The following BBS7 variants were observed in gnomAD, a reference collection of about 807,000 sequenced individuals.
The protein encoded by BBS7 is BBSome complex member BBS7.
Under a neutral mutation model 90.3 loss-of-function variants are expected in BBS7, and 50 were observed. The ratio of observed to expected loss-of-function variants is 0.55; its 90% CI spans 0.44 to 0.70. The LOEUF (loss-of-function observed/expected upper bound fraction) is 0.70. BBS7 is among the 30% of genes least tolerant of loss of function. BBS7 has a pLI of 0.00. For missense variants in BBS7, 729 were observed against 838.9 expected (o/e 0.87, Z 1.62); for synonymous variants, 235 against 287.4 (o/e 0.82, Z 1.85).
rs761509035 is a variant in BBS7 at position 121,843,996 on chromosome 4, A to C, written c.1236T>G (p.Asp412Glu). 5.0e-6 allele frequency: 8 copies of C among 1,584,342 alleles called. No individual in the cohort carries two copies. Among genetic ancestry groups the C allele is most frequent in the Non-Finnish European group, 6.9e-6 (8 of 1,157,984 alleles). The change falls in exon 12 of 19, where the codon GAT becomes GAG. Residue 412 changes from aspartate to glutamate, a missense_variant. Transcript: ENST00000264499. Reference protein sequence around the residue: ...TAIDNVLIQSDVPIDLLDVDK... With the variant: ...TAIDNVLIQSEVPIDLLDVDK... ...CCACATCAAGTAAATCTATTGGAAC[A>C]TCACTCTATAGTCAATATTAAAAAA... is the stretch of plus-strand genomic sequence containing the variant.
At chr4:121,827,547 T>C (rs1251494453) in intron 18 of BBS7, among the ~76,000 whole-genome samples, 1 of 152,226 alleles carries the variant, frequency 6.6e-6, no homozygotes, top group Admixed American at 6.5e-5. Flanking sequence ...GTAAATAGTG[T>C]GCTATATACA....
intron 18 of BBS7, among the ~76,000 whole-genome samples, chr4:121,826,919 G>C (rs1724942533): frequency 6.6e-6 from 1 of 152,210 alleles, no homozygotes; most frequent in Non-Finnish European, 1.5e-5. Context: ...AGGGGGCAGA[G>C]GCTGCAGTAA....
intron 2 of BBS7, 130 bp from the exon 3 acceptor site, chr4:121,863,409 AC>A (rs1727091391): frequency 1.4e-6 from 1 of 725,940 alleles, no homozygotes; most frequent in Non-Finnish European, 2.2e-6. Flanking sequence ...TAGGAAAGAC[AC>A]CCCCACAAAA....
At chr4:121,852,861 T>C in intron 8 of BBS7, 95 bp downstream of exon 8, 1 of 1,298,894 alleles carries the variant, frequency 7.7e-7, no homozygotes, top group Non-Finnish European at 1.1e-6. Context: ...AACACAAGAT[T>C]TTAATATATT....
At chr4:121,857,558 G>A (rs1183741785) in intron 5 of BBS7, among the ~76,000 whole-genome samples, 3 of 152,134 alleles carry the variant, frequency 2.0e-5, no homozygotes, top group Admixed American at 2.0e-4. Context: ...GATAGACGGG[G>A]AGTGAGAAAA....
chr4:121,855,787 T>C (rs1043119286), intron 5 of BBS7, among the ~76,000 whole-genome samples: 1 of 151,514 alleles, frequency 6.6e-6, no homozygotes, highest in Non-Finnish European at 1.5e-5. Flanking sequence ...TGTATACATA[T>C]ATACGTATAT....
chr4:121,847,314 A>G, intron 10 of BBS7, 90 bp downstream of exon 10: 2 of 835,056 alleles, frequency 2.4e-6, no homozygotes, highest in Non-Finnish European at 4.0e-6. Flanking sequence ...ATTCCTTCCA[A>G]TAAAATATAC....
intron 13 of BBS7, among the ~76,000 whole-genome samples, chr4:121,837,945 A>G (rs1409386792): frequency 6.6e-6 from 1 of 152,126 alleles, no homozygotes; most frequent in African/African-American, 2.4e-5. Flanking sequence ...TCTCTACTAA[A>G]ATACAAAAAT....
intron 13 of BBS7, among the ~76,000 whole-genome samples, chr4:121,836,137 A>G (rs1177073106): frequency 1.3e-5 from 2 of 152,202 alleles, no homozygotes; most frequent in Non-Finnish European, 1.5e-5. Context: ...TTTGAATATG[A>G]CTGGCCGGAT....
chr4:121,842,127 G>A (rs909559436), intron 12 of BBS7, among the ~76,000 whole-genome samples: 16 of 151,112 alleles, frequency 1.1e-4, no homozygotes, highest in Non-Finnish European at 2.4e-4. Flanking sequence ...TGGCGTGTGC[G>A]TGTAGTCCCA....
Position 121,859,092 on chromosome 4 carries a change from G to T in BBS7, c.428C>A (p.Ser143Tyr), listed in dbSNP as rs754262900. 1 of 1,613,718 alleles carries T rather than the reference G, an allele frequency of 6.2e-7. No homozygotes were observed. Among genetic ancestry groups the T allele is most frequent in the Non-Finnish European group, 8.5e-7 (1 of 1,179,776 alleles). The change falls in exon 5 of 19, where the codon TCT becomes TAT. Residue 143 changes from serine (S) to tyrosine (Y), a missense_variant. Ser to Tyr is a moderately radical substitution (Grantham distance 144, BLOSUM62 -2). Transcript: ENST00000264499. ...CDCKDQHYYLSGDKINDVICL... is the reference protein window; with the variant it reads ...CDCKDQHYYLYGDKINDVICL... ...GATCACATCATTGATTTTATCCCCA[G>T]AAAGGTAATAATGTTGGTCTTTGCA... is the stretch of plus-strand genomic sequence containing the variant.
In BBS7 at chr4:121,853,103, G is replaced by A; in HGVS notation, c.719-17C>T. ...ACAAAATACCTTTAAAAAGAGATATGTGATAAGTTATTAAGAAGACTAATA... is the reference window on the plus strand; with the variant it reads ...ACAAAATACCTTTAAAAAGAGATATATGATAAGTTATTAAGAAGACTAATA... On this transcript the variant is annotated splice_polypyrimidine_tract_variant and intron_variant, in intron 7 of 18. Coordinates refer to ENST00000264499, the MANE Select transcript of BBS7 (RefSeq NM_176824.3). 2 of 1,610,304 alleles carry A rather than the reference G, an allele frequency of 1.2e-6. No homozygotes were observed. The highest frequency in any genetic ancestry group is 1.7e-6 in the Non-Finnish European group (2 of 1,176,758).
chr4:121,855,850 G>A (rs1338703758), intron 5 of BBS7, among the ~76,000 whole-genome samples: 1 of 84,308 alleles, frequency 1.2e-5, no homozygotes, highest in African/African-American at 3.3e-5. Context: ...ATACATATAT[G>A]CACATGTATG....
chr4:121,844,948 C>T (rs963509117), intron 11 of BBS7, among the ~76,000 whole-genome samples: 2 of 152,184 alleles, frequency 1.3e-5, no homozygotes, highest in African/African-American at 4.8e-5. Context: ...TCTTTTCTAA[C>T]TCTTCTTAAA....
intron 13 of BBS7, among the ~76,000 whole-genome samples, chr4:121,838,423 T>C (rs1156568632): frequency 2.7e-5 from 4 of 149,990 alleles, no homozygotes; most frequent in African/African-American, 7.3e-5. Flanking sequence ...AAAAAAGTTA[T>C]AGTGCTTAAT....
chr4:121,833,225 A>G lies in BBS7; in HGVS notation c.1676+6T>C. ...CACTTGTGAACCAGTAATAAGTTAG[A>G]TTTACCTGTAGGTACTTTCAAGTTG... On this transcript the variant is annotated splice_donor_region_variant and intron_variant, in intron 15 of 18. Coordinates refer to ENST00000264499, the MANE Select transcript of BBS7 (RefSeq NM_176824.3). 1 of 1,613,446 alleles carries G rather than the reference A, an allele frequency of 6.2e-7. No homozygotes were observed. The highest frequency in any genetic ancestry group is 8.5e-7 in the Non-Finnish European group (1 of 1,179,436).
intron 2 of BBS7, 125 bp downstream of exon 2, chr4:121,867,856 A>T: frequency 1.1e-6 from 1 of 874,474 alleles, no homozygotes; most frequent in East Asian, 2.6e-5. Context: ...TGTTCAAATT[A>T]AAAAATTCAT....
chr4:121,870,349 A>G lies in BBS7; in HGVS notation c.-36T>C. ...CGGAGGGGCTAAGCAGCGCCGGACA[A>G]GAACAGGAGGGACAGAGGCTTCGGG... is the stretch of plus-strand genomic sequence containing the variant. On this transcript the variant is annotated 5_prime_UTR_variant, in exon 1 of 19. Coordinates refer to ENST00000264499, the MANE Select transcript of BBS7 (RefSeq NM_176824.3). 8 of 1,613,834 alleles carry G rather than the reference A, an allele frequency of 5.0e-6. No homozygotes were observed. The highest frequency in any genetic ancestry group is 6.8e-6 in the Non-Finnish European group (8 of 1,179,724).
In BBS7 at chr4:121,825,570, A is replaced by G. The variant is rs1724868306; in HGVS notation, c.*290T>C. On this transcript the variant is annotated 3_prime_UTR_variant, in exon 19 of 19. Transcript: ENST00000264499. ...ATTTGAATATATTTTAATTTTCCACATATTACTTCTCAATTTAAAAATTAA... is the reference window on the plus strand; with the variant it reads ...ATTTGAATATATTTTAATTTTCCACGTATTACTTCTCAATTTAAAAATTAA... The G allele has an allele frequency of 1.0e-5, 3 of 296,842 alleles. No individual in the cohort carries two copies. Among genetic ancestry groups the G allele is most frequent in the Admixed American group, 9.5e-5 (2 of 21,086 alleles). The allele number at this position is 296,842 out of a possible 1,614,324, so 18.4% of individuals were successfully genotyped here.
Sources: gnomAD v4.1 joint callset for allele counts (sites outside exome capture counted in the v4.1 genomes callset) on GRCh38, gnomAD v4.1.1 for gene constraint, MANE v1.5 for transcripts, NCBI Gene and HGNC (gene_info 2026-07-23, HGNC 2026-07-21) for gene names.